The following DNAAF11 variants were observed in gnomAD, a reference collection of about 807,000 sequenced individuals.
DNAAF11 encodes dynein axonemal assembly factor 11, also known as leucine rich repeat containing 6.
Under a neutral mutation model 60.8 loss-of-function variants are expected in DNAAF11, and 45 were observed. The observed-to-expected ratio is 0.74, with a 90% CI of 0.58 to 0.95. The LOEUF (loss-of-function observed/expected upper bound fraction) is 0.95. Ranked by LOEUF, DNAAF11 falls within the 40% of genes least tolerant of loss-of-function variation. The pLI, the probability that DNAAF11 is intolerant of heterozygous loss-of-function variation, is 0.00. For missense variants in DNAAF11, 546 were observed against 546.2 expected (o/e 1.00, Z 0.00); for synonymous variants, 191 against 183.5 (o/e 1.04, Z -0.33).
At chr8:132,597,772 TA>T (rs1412992086) in intron 10 of DNAAF11, among the ~76,000 whole-genome samples, 1 of 152,202 alleles carries the variant, frequency 6.6e-6, no homozygotes, top group African/African-American at 2.4e-5. Flanking sequence ...ATCTTCCAAT[TA>T]AAGTGGTATG....
At position 132,618,642 on chromosome 8, in the gene DNAAF11, T is replaced by C. The variant is rs1292282899; in HGVS notation, c.915-3545A>G. Among the ~76,000 whole-genome samples, 18 of 143,230 alleles carry C rather than the reference T, an allele frequency of 1.3e-4. No individual in the cohort carries two copies. In the South Asian group the frequency reaches 4.3e-3, roughly 34 times the overall value. The allele number at this position is 143,230 out of a possible 152,430, so 94.0% of individuals were successfully genotyped here. On this transcript the variant is annotated intron_variant, in intron 7 of 11. Coordinates refer to ENST00000620350, the MANE Select transcript of DNAAF11 (RefSeq NM_012472.6). ...CCCATCAAAAAGTGGGTGAAGGACA[T>C]GAACAGACACTTCTCAAAAGAAGAC...
intron 8 of DNAAF11, among the ~76,000 whole-genome samples, chr8:132,612,507 C>T (rs527508954): frequency 1.1e-4 from 16 of 152,274 alleles, no homozygotes; most frequent in Admixed American, 3.3e-4. Context: ...TCATTGCTCA[C>T]GTCTCCCCCT....
At chr8:132,698,221 T>C in the DNAAF11 span, among the ~76,000 whole-genome samples, 4 of 152,132 alleles carry the variant, frequency 2.6e-5, no homozygotes, top group Admixed American at 1.3e-4. Context: ...CACAAACCTA[T>C]CCCACACTTC....
the DNAAF11 span, among the ~76,000 whole-genome samples, chr8:132,687,145 A>G: frequency 2.0e-5 from 3 of 152,230 alleles, no homozygotes; most frequent in Admixed American, 2.0e-4. Flanking sequence ...TAACTGTTGC[A>G]AAGCAGATAT....
chr8:132,598,319 A>G (rs1817232272), intron 10 of DNAAF11, among the ~76,000 whole-genome samples: 1 of 152,222 alleles, frequency 6.6e-6, no homozygotes, highest in Non-Finnish European at 1.5e-5. Flanking sequence ...AGTGTTTTCT[A>G]TGACATGACA....
chr8:132,612,268 G>A (rs1051644755), intron 8 of DNAAF11, among the ~76,000 whole-genome samples: 3 of 152,196 alleles, frequency 2.0e-5, no homozygotes, highest in East Asian at 1.9e-4. Flanking sequence ...CATAGCTAGT[G>A]TTAATAAAGC....
intron 3 of DNAAF11, among the ~76,000 whole-genome samples, chr8:132,647,893 G>C (rs188322581): frequency 2.6e-5 from 4 of 152,246 alleles, no homozygotes; most frequent in African/African-American, 7.2e-5. Flanking sequence ...AAAAAGTCCA[G>C]GACCAGATGG....
At chr8:132,572,654 C>G (rs1433434271) in intron 11 of DNAAF11, among the ~76,000 whole-genome samples, 174 bp from the exon 12 acceptor site, 2 of 147,874 alleles carry the variant, frequency 1.4e-5, no homozygotes, top group Admixed American at 6.7e-5. Context: ...CTTGTAGAAT[C>G]AAGACTCTGA....
intron 11 of DNAAF11, among the ~76,000 whole-genome samples, chr8:132,572,965 A>G (rs2130931929): frequency 6.6e-6 from 1 of 152,300 alleles, no homozygotes; most frequent in African/African-American, 2.4e-5. Flanking sequence ...AGTAAAGTGT[A>G]GCCCCACCAA....
chr8:132,686,046 C>G, the DNAAF11 span, among the ~76,000 whole-genome samples: 1 of 152,020 alleles, frequency 6.6e-6, no homozygotes, highest in Non-Finnish European at 1.5e-5. Context: ...CAAATAAATA[C>G]CACAAGAAAA....
the DNAAF11 span, among the ~76,000 whole-genome samples, chr8:132,682,656 CTTTA>C: frequency 2.6e-5 from 4 of 152,186 alleles, no homozygotes; most frequent in African/African-American, 9.6e-5. Context: ...GAAGGTGACA[CTTTA>C]TTTAGGTAAC....
chr8:132,675,682 C>T (rs1019615451), upstream of DNAAF11: 23 of 506,754 alleles, frequency 4.5e-5, no homozygotes, highest in Non-Finnish European at 8.0e-5. Flanking sequence ...GCAGAGGAGA[C>T]CGCAGTGAAG....
intron 11 of DNAAF11, among the ~76,000 whole-genome samples, chr8:132,581,219 C>T (rs1291501043): frequency 6.6e-6 from 1 of 152,166 alleles, no homozygotes; most frequent in African/African-American, 2.4e-5. Flanking sequence ...TAAAGGACTA[C>T]TTTTATGACC....
At chr8:132,674,708 G>C (rs553494263) in intron 1 of DNAAF11, among the ~76,000 whole-genome samples, 30 of 152,280 alleles carry the variant, frequency 2.0e-4, no homozygotes, top group Middle Eastern at 3.4e-3. Flanking sequence ...GGCCAACATG[G>C]CAAAACCCCG....
chr8:132,639,177 A>G (rs1008128662), intron 3 of DNAAF11, among the ~76,000 whole-genome samples: 1 of 152,220 alleles, frequency 6.6e-6, no homozygotes, highest in African/African-American at 2.4e-5. Flanking sequence ...AAGCAAGCAC[A>G]GCTGTCTCAT....
the DNAAF11 span, among the ~76,000 whole-genome samples, chr8:132,681,003 C>CTTTTTTTTTTTT: frequency 1.9e-3 from 101 of 52,334 alleles, 29 homozygotes; most frequent in African/African-American, 5.5e-3. Flanking sequence ...ATAACTATTC[C>CTTTTTTTTTTTT]TTTTTTTTTT....
intron 9 of DNAAF11, among the ~76,000 whole-genome samples, chr8:132,610,482 C>T (rs151337391): frequency 2.0e-5 from 3 of 152,270 alleles, no homozygotes; most frequent in Non-Finnish European, 2.9e-5. Flanking sequence ...CAAACAGTGA[C>T]ATGCTCGTGG....
chr8:132,650,600 A>C (rs1554603809), intron 3 of DNAAF11, among the ~76,000 whole-genome samples: 1 of 152,234 alleles, frequency 6.6e-6, no homozygotes, highest in Non-Finnish European at 1.5e-5. Context: ...CTCAGGCACT[A>C]TATGAAGGAT....
the DNAAF11 span, among the ~76,000 whole-genome samples, chr8:132,694,155 G>C: frequency 6.6e-6 from 1 of 152,278 alleles, no homozygotes; most frequent in East Asian, 1.9e-4. Context: ...TTTCAAGGTG[G>C]ACCCAACTGA....
Sources: gnomAD v4.1 joint callset for allele counts (sites outside exome capture counted in the v4.1 genomes callset) on GRCh38, gnomAD v4.1.1 for gene constraint, MANE v1.5 for transcripts, NCBI Gene and HGNC (gene_info 2026-07-23, HGNC 2026-07-21) for gene names.